Variants in PANK2 observed in about 807,000 individuals in gnomAD.
The protein encoded by PANK2 is pantothenate kinase 2.
A neutral mutation model predicts 43.1 loss-of-function variants in PANK2; 36 were observed. The observed-to-expected ratio is 0.84, with a 90% confidence interval of 0.64 to 1.10. The LOEUF (loss-of-function observed/expected upper bound fraction) is 1.10. PANK2 is among the 50% of genes least tolerant of loss of function. The pLI is 0.00. For synonymous variants in PANK2, 281 were observed against 238.2 expected (o/e 1.18, Z -1.66); for missense variants, 576 against 593.3 (o/e 0.97, Z 0.30).
rs1043747835 is a variant in PANK2, at chr20:3,927,271, A to G, written c.*3977A>G. ...CTGAAGGTGCTTGCGTAAGTGGCAC[A>G]TGGATGTTCCCTCTGTTCAAAGGCA... On this transcript the variant is annotated 3_prime_UTR_variant, in exon 7 of 7. Coordinates refer to ENST00000610179, the MANE Select transcript of PANK2 (RefSeq NM_001386393.1). 6.6e-6 allele frequency: 1 copy of G among 152,248 alleles called. No homozygotes were observed. Among genetic ancestry groups the G allele is most frequent in the African/African-American group, 2.4e-5 (1 of 41,454 alleles). The allele number at this position is 152,248 out of a possible 1,614,324, so 9.4% of individuals were successfully genotyped here. A position where few individuals can be genotyped will look rare whatever the true frequency, so the allele number is the denominator to read the frequency against.
In PANK2 at chr20:3,923,574, T is replaced by G; in HGVS notation, c.*280T>G. The G allele has an allele frequency of 2.0e-6, 1 of 505,908 alleles. No individual in the cohort carries two copies. Among genetic ancestry groups the G allele is most frequent in the South Asian group, 2.2e-5 (1 of 45,732 alleles). The allele number at this position is 505,908 out of a possible 1,614,324, so 31.3% of individuals were successfully genotyped here. ...GCCTGCTTTGTATTTTTGAAATCTC[T>G]GCATCACTCATTGGAAGTGCTTCTG... On this transcript the variant is annotated 3_prime_UTR_variant, in exon 7 of 7. Transcript: ENST00000610179.
intron 2 of PANK2, among the ~76,000 whole-genome samples, chr20:3,909,652 C>CTGT (rs2090437916): frequency 6.6e-6 from 1 of 151,918 alleles, no homozygotes; most frequent in Non-Finnish European, 1.5e-5. Flanking sequence ...TGCAGTGGTG[C>CTGT]CATCTCAGCT....
Position 3,889,621 on chromosome 20 carries a change from C to T in PANK2, c.191C>T (p.Ala64Val), listed in dbSNP as rs763343379. ...CGGGCGAGCAGCGCGTCGGTGCCCG[C>T]GGTCGGGGCCTCGGCTGAGGGCACG... The change falls in exon 1 of 7, where the codon GCG (alanine) becomes GTG (valine). Residue 64 changes from alanine to valine, a missense_variant. Physicochemically the swap from Ala to Val is moderately conservative, Grantham distance 64. This residue lies in a region of PANK2 where 544 missense variants were observed against 528.9 expected (regional missense o/e 1.03). Transcript: ENST00000610179. 6 of 1,544,172 alleles carry T rather than the reference C, an allele frequency of 3.9e-6. No individual in the cohort carries two copies. The highest frequency in any genetic ancestry group is 1.2e-5 in the South Asian group (1 of 85,526).
chr20:3,903,660 C>T (rs546984695), intron 1 of PANK2, among the ~76,000 whole-genome samples: 2 of 149,272 alleles, frequency 1.3e-5, no homozygotes, highest in African/African-American at 4.9e-5. Flanking sequence ...TGGAGTCTCA[C>T]TCCGTTGCCC....
chr20:3,892,350 A>AAC (rs2090136280), intron 1 of PANK2, among the ~76,000 whole-genome samples: 1 of 145,436 alleles, frequency 6.9e-6, no homozygotes, highest in African/African-American at 2.5e-5. Flanking sequence ...CAAAAAAAAA[A>AAC]CAAAAAAAAA....
Position 3,928,843 on chromosome 20 carries a change from C to G in PANK2, c.*5549C>G, listed in dbSNP as rs925640508. 6.8e-6 allele frequency: 1 copy of G among 146,170 alleles called. No individual in the cohort carries two copies. Among genetic ancestry groups the G allele is most frequent in the Non-Finnish European group, 1.5e-5 (1 of 66,700 alleles). 9.1% of individuals were successfully genotyped at this position (146,170 alleles called of 1,614,324 possible). A position where few individuals can be genotyped will look rare whatever the true frequency, so the allele number is the denominator to read the frequency against. On this transcript the variant is annotated 3_prime_UTR_variant, in exon 7 of 7. Transcript: ENST00000610179. ...CATAAAGGGAAAATTCTGTAGGAAG[C>G]ATTTTCTTTTCTTGTGTGTTTTTTT...
chr20:3,921,396 C>T (rs1426281295), intron 6 of PANK2: 4 of 152,128 alleles, frequency 2.6e-5, no homozygotes, highest in African/African-American at 9.7e-5. Flanking sequence ...CCTCTTTGAT[C>T]CTTTATTCTC....
At chr20:3,922,406 C>G (rs1464710379) in intron 6 of PANK2, among the ~76,000 whole-genome samples, 1 of 152,204 alleles carries the variant, frequency 6.6e-6, no homozygotes, top group Non-Finnish European at 1.5e-5. Flanking sequence ...CAGTGCTTGT[C>G]GTCTCTCAGC....
At chr20:3,910,551 C>CT in intron 2 of PANK2, 26 bp from the exon 3 acceptor site, 1 of 1,613,764 alleles carries the variant, frequency 6.2e-7, no homozygotes, top group African/African-American at 1.3e-5. Flanking sequence ...ATTAAAAAGT[C>CT]TGAGTACATT....
chr20:3,888,969 C>T (rs2090058936), upstream of PANK2: 1 of 711,820 alleles, frequency 1.4e-6, no homozygotes, highest in East Asian at 2.8e-5. Context: ...GGGAGCACTG[C>T]TGGGCTGGAG....
chr20:3,895,342 G>T (rs546014144), intron 1 of PANK2, among the ~76,000 whole-genome samples: 1 of 151,948 alleles, frequency 6.6e-6, no homozygotes, highest in Non-Finnish European at 1.5e-5. Flanking sequence ...GCACATGGTC[G>T]TAGTCCCAGC....
rs764438195 is a variant in PANK2, at chr20:3,889,395, T to G, written c.-36T>G. 2.5e-6 allele frequency: 4 copies of G among 1,574,028 alleles called. No individual in the cohort carries two copies. The African/African-American group carries it at 4.0e-5, about 16-fold the overall frequency. On this transcript the variant is annotated 5_prime_UTR_variant, in exon 1 of 7. Transcript: ENST00000610179. ...GCCGAGGGCGCGCCTCTGCTCTGGCTGGACTGCCGCGGAGGAGGCGAGAAG... is the reference window on the plus strand; with the variant it reads ...GCCGAGGGCGCGCCTCTGCTCTGGCGGGACTGCCGCGGAGGAGGCGAGAAG...
At chr20:3,891,813 T>G (rs1438212721) in intron 1 of PANK2, among the ~76,000 whole-genome samples, 1 of 152,278 alleles carries the variant, frequency 6.6e-6, no homozygotes, top group East Asian at 1.9e-4. Context: ...TATATTAAGG[T>G]AGTTTTGAAA....
At chr20:3,905,960 CCCT>C (rs1340103579) in intron 1 of PANK2, among the ~76,000 whole-genome samples, 2 of 151,764 alleles carry the variant, frequency 1.3e-5, no homozygotes, top group South Asian at 2.1e-4. Flanking sequence ...AGGTGATCTG[CCCT>C]CCTCATCCTC....
chr20:3,890,772 T>C (rs560601211), intron 1 of PANK2, among the ~76,000 whole-genome samples: 2 of 152,360 alleles, frequency 1.3e-5, no homozygotes. Flanking sequence ...TATGGATGAT[T>C]AAATGTAGTT....
At chr20:3,917,534 C>G (rs1294959011) in intron 5 of PANK2, 2 of 534,440 alleles carry the variant, frequency 3.7e-6, no homozygotes, top group African/African-American at 3.8e-5. Flanking sequence ...TTGTAGCATT[C>G]AGGTCAAGCA....
rs533659040 is a variant in PANK2 at position 3,910,237 on chromosome 20, C to T, written c.652-340C>T. Among the ~76,000 whole-genome samples the T allele has an allele frequency of 2.0e-5, 3 of 151,960 alleles. No individual in the cohort carries two copies. The South Asian group carries it at 6.3e-4, about 32-fold the overall frequency. On this transcript the variant is annotated intron_variant, in intron 2 of 6. Transcript: ENST00000610179. ...GCTGTGGCCTGAGCTTGGTATCAGC[C>T]CCATTGTCCCTGTAAGCAGAGATCT... is the stretch of plus-strand genomic sequence containing the variant.
intron 1 of PANK2, among the ~76,000 whole-genome samples, chr20:3,907,662 C>A (rs1270616006): frequency 1.3e-5 from 2 of 152,104 alleles, no homozygotes; most frequent in Non-Finnish European, 2.9e-5. Context: ...TAAAACACTT[C>A]ATAGTGCGGT....
Position 3,913,934 on chromosome 20 carries a change from G to T in PANK2, c.1082+1300G>T, listed in dbSNP as rs190670281. 2.6e-5 allele frequency among the ~76,000 whole-genome samples: 4 copies of T among 151,824 alleles called. No individual in the cohort carries two copies. The East Asian group carries it at 7.8e-4, about 29-fold the overall frequency. ...CTTCCAAGTAGCTGGGACTACAGGTGCCTGCCACCACGCCCGGCTATTTTT... is the reference window on the plus strand; with the variant it reads ...CTTCCAAGTAGCTGGGACTACAGGTTCCTGCCACCACGCCCGGCTATTTTT... On this transcript the variant is annotated intron_variant, in intron 4 of 6. Transcript: ENST00000610179.
Sources: gnomAD v4.1 joint callset for allele counts (sites outside exome capture counted in the v4.1 genomes callset) on GRCh38, gnomAD v4.1.1 for gene constraint, gnomAD v4.1.1 regional missense constraint, MANE v1.5 for transcripts, NCBI Gene and HGNC (gene_info 2026-07-23, HGNC 2026-07-21) for gene names.